KLRK1: variants seen among roughly 807,000 people sequenced by gnomAD.
KLRK1 encodes the protein NKG2-D type II integral membrane protein.
In KLRK1, 40 loss-of-function variants were observed where a neutral mutation model predicts 31.3. That is an observed-to-expected ratio of 1.28 (90% CI 0.99 to 1.67). The LOEUF is 1.67. Among genes scored for constraint, KLRK1 ranks in the 40% most tolerant of loss-of-function variants. KLRK1 has a pLI of 0.00. For synonymous variants in KLRK1, 77 were observed against 77.3 expected (o/e 1.00, Z 0.02); for missense variants, 251 against 260.0 (o/e 0.97, Z 0.24).
At chr12:10,380,632 A>ACT (rs1392400545) in intron 3 of KLRK1, among the ~76,000 whole-genome samples, 3 of 151,926 alleles carry the variant, frequency 2.0e-5, no homozygotes, top group Non-Finnish European at 4.4e-5. Context: ...GCCAAGAGGG[A>ACT]CTCTCCACTG....
At chr12:10,375,405 ATT>A in intron 7 of KLRK1, among the ~76,000 whole-genome samples, 1 of 152,290 alleles carries the variant, frequency 6.6e-6, no homozygotes, top group East Asian at 1.9e-4. Flanking sequence ...GTTGTATACC[ATT>A]AGAATTAGGT....
At chr12:10,386,406 TAA>T (rs1383461744) in intron 3 of KLRK1, among the ~76,000 whole-genome samples, 1 of 152,092 alleles carries the variant, frequency 6.6e-6, no homozygotes, top group Non-Finnish European at 1.5e-5. Context: ...TAAAAATTGA[TAA>T]GTGAGGGTCA....
rs1309236487 is a variant in KLRK1, at chr12:10,380,106, C to T, written c.149-314G>A. On this transcript the variant is annotated intron_variant, in intron 3 of 7. Coordinates refer to ENST00000240618, the MANE Select transcript of KLRK1 (RefSeq NM_007360.4). ...TTTGAGACGGAGTCTCGCTCTGTCG[C>T]CCAGGCTGGAGTGCAGTGGCGCGAT... 3.5e-5 allele frequency among the ~76,000 whole-genome samples: 5 copies of T among 143,022 alleles called. No homozygotes were observed. In the East Asian group the frequency reaches 1.0e-3, roughly 29 times the overall value. 93.8% of individuals were successfully genotyped at this position (143,022 alleles called of 152,430 possible).
chr12:10,384,464 G>T (rs1282676160), intron 3 of KLRK1, among the ~76,000 whole-genome samples: 1 of 151,846 alleles, frequency 6.6e-6, no homozygotes, highest in Admixed American at 6.6e-5. Context: ...ATAGCCAACT[G>T]ATTTTTCCAG....
chr12:10,376,147 G>C (rs977658176), intron 7 of KLRK1, among the ~76,000 whole-genome samples: 3 of 152,174 alleles, frequency 2.0e-5, no homozygotes, highest in African/African-American at 7.2e-5. Context: ...TGCTAACATA[G>C]GGTCTAGTAT....
In KLRK1 at chr12:10,378,195, A is replaced by G; in HGVS notation, c.470T>C (p.Leu157Pro). The G allele has an allele frequency of 6.2e-7, 1 of 1,614,122 alleles. No individual in the cohort carries two copies. Among genetic ancestry groups the G allele is most frequent in the South Asian group, 1.1e-5 (1 of 91,068 alleles). Residue 157 changes from leucine to proline, a missense_variant, in exon 7 of 8, where the codon CTA (leucine) becomes CCA (proline). Leu to Pro is a moderately conservative substitution (Grantham distance 98). Coordinates refer to ENST00000240618, the MANE Select transcript of KLRK1 (RefSeq NM_007360.4). ...AGATCCATTTGTTGGAATGTGTACTAGTCCCATCCAATGATATGACTTCAC... is the reference window on the plus strand; with the variant it reads ...AGATCCATTTGTTGGAATGTGTACTGGTCCCATCCAATGATATGACTTCAC... ...KLVKSYHWMG[L>P]VHIPTNGSWQ...
chr12:10,375,582 T>C (rs1198921929), intron 7 of KLRK1, among the ~76,000 whole-genome samples: 1 of 152,214 alleles, frequency 6.6e-6, no homozygotes, highest in Admixed American at 6.5e-5. Context: ...TTCAAATATC[T>C]AAAGTCCCCT....
At chr12:10,382,592 G>A (rs1174524568) in intron 3 of KLRK1, among the ~76,000 whole-genome samples, 1 of 152,092 alleles carries the variant, frequency 6.6e-6, no homozygotes, top group Non-Finnish European at 1.5e-5. Context: ...ATGCTAAAGA[G>A]AGTTTTTTCA....
At chr12:10,385,052 T>A (rs1479402700) in intron 3 of KLRK1, among the ~76,000 whole-genome samples, 1 of 152,012 alleles carries the variant, frequency 6.6e-6, no homozygotes, top group East Asian at 1.9e-4. Context: ...CATCTCACCC[T>A]AGTTAGAATA....
intron 2 of KLRK1, 27 bp downstream of exon 2, chr12:10,388,730 GTATAAAAACAAAAC>G (rs1334268388): frequency 6.2e-7 from 1 of 1,612,424 alleles, no homozygotes; most frequent in East Asian, 2.2e-5. Context: ...TCTTAAAATT[GTATAAAAACAAAAC>G]TACACACTTA....
intron 3 of KLRK1, chr12:10,381,987 G>A (rs1863084537): frequency 6.6e-6 from 1 of 152,212 alleles, no homozygotes; most frequent in East Asian, 1.9e-4. Context: ...CCAAACCAGT[G>A]CTCATATGGG....
chr12:10,376,950 G>A (rs1436627061), intron 7 of KLRK1, among the ~76,000 whole-genome samples: 1 of 151,990 alleles, frequency 6.6e-6, no homozygotes, highest in Admixed American at 6.6e-5. Context: ...CCGAGTAGCT[G>A]GGATTACAGA....
intron 7 of KLRK1, among the ~76,000 whole-genome samples, chr12:10,375,125 G>C (rs1862940106): frequency 6.6e-6 from 1 of 152,154 alleles, no homozygotes; most frequent in African/African-American, 2.4e-5. Flanking sequence ...ATTACAAATA[G>C]ATAATAAGGA....
intron 3 of KLRK1, among the ~76,000 whole-genome samples, chr12:10,384,213 C>T (rs1298991695): frequency 6.6e-6 from 1 of 151,998 alleles, no homozygotes; most frequent in African/African-American, 2.4e-5. Context: ...CAATTCCTAA[C>T]ACGATACCAG....
intron 7 of KLRK1, among the ~76,000 whole-genome samples, chr12:10,376,153 A>G (rs182268425): frequency 3.9e-5 from 6 of 152,358 alleles, no homozygotes; most frequent in Admixed American, 2.0e-4. Flanking sequence ...CATAGGGTCT[A>G]GTATTTTGCC....
chr12:10,383,092 A>G (rs1371914794), intron 3 of KLRK1, among the ~76,000 whole-genome samples: 1 of 152,152 alleles, frequency 6.6e-6, no homozygotes, highest in Non-Finnish European at 1.5e-5. Context: ...GAAGAAAGGA[A>G]GACTTACAAA....
At position 10,373,047 on chromosome 12, in the gene KLRK1, T is replaced by G. The variant is rs1211828083; in HGVS notation, c.*67A>C. The G allele has an allele frequency of 7.2e-7, 1 of 1,398,282 alleles. No homozygotes were observed. Among genetic ancestry groups the G allele is most frequent in the Admixed American group, 1.9e-5 (1 of 51,660 alleles). 86.6% of individuals were successfully genotyped at this position (1,398,282 alleles called of 1,614,324 possible). On this transcript the variant is annotated 3_prime_UTR_variant, in exon 8 of 8. Transcript: ENST00000240618. ...TTTTGTTTGTTTCCTTTAGTCTCAG[T>G]TGGCAGTGTTACCGCTGGTGTAATC...
chr12:10,374,882 G>C (rs931239618), intron 7 of KLRK1, among the ~76,000 whole-genome samples: 4 of 152,082 alleles, frequency 2.6e-5, no homozygotes, highest in Middle Eastern at 3.2e-3. Flanking sequence ...ATAATTCCTG[G>C]AAATTGTGCA....
chr12:10,372,846 C>G lies in KLRK1; in HGVS notation c.*268G>C, dbSNP rs1017166250. The G allele has an allele frequency of 2.7e-6, 1 of 376,434 alleles. No homozygotes were observed. Among genetic ancestry groups the G allele is most frequent in the Non-Finnish European group, 4.7e-6 (1 of 211,184 alleles). The allele number at this position is 376,434 out of a possible 1,614,324, so 23.3% of individuals were successfully genotyped here. On this transcript the variant is annotated 3_prime_UTR_variant, in exon 8 of 8. Coordinates refer to ENST00000240618, the MANE Select transcript of KLRK1 (RefSeq NM_007360.4). The stretch of plus-strand genomic sequence containing the variant: ...TAGAAATTAAAACAGCACCCCTCCC[C>G]CAGCCCATCCACTCTGGGCTTGTGG...
Sources: allele counts gnomAD v4.1 joint callset (sites outside exome capture counted in the v4.1 genomes callset), GRCh38; gene constraint gnomAD v4.1.1; transcripts MANE v1.5; gene names NCBI Gene and HGNC (gene_info 2026-07-23, HGNC 2026-07-21).